The following MPPE1 variants were observed in gnomAD, a reference collection of about 807,000 sequenced individuals.
MPPE1 encodes metallo phosphoesterase.
In MPPE1, 28 loss-of-function variants were observed where a neutral mutation model predicts 43.8. The observed-to-expected ratio is 0.64, with a 90% CI of 0.47 to 0.88. The LOEUF (loss-of-function observed/expected upper bound fraction) is 0.88. Ranked by LOEUF, MPPE1 falls within the 40% of genes least tolerant of loss-of-function variation. The pLI is 0.00. For synonymous variants in MPPE1, 159 were observed against 188.5 expected (o/e 0.84, Z 1.28); for missense variants, 428 against 492.2 (o/e 0.87, Z 1.23).
At chr18:11,891,022 A>G (rs1197743277) in intron 4 of MPPE1, among the ~76,000 whole-genome samples, 1 of 147,070 alleles carries the variant, frequency 6.8e-6, no homozygotes, top group African/African-American at 2.6e-5. Flanking sequence ...TATCAATTGT[A>G]CAAACACCCT....
intron 2 of MPPE1, among the ~76,000 whole-genome samples, chr18:11,898,273 T>C (rs1221159201): frequency 6.6e-6 from 1 of 152,124 alleles, no homozygotes; most frequent in Non-Finnish European, 1.5e-5. Context: ...TTTTTCGCCA[T>C]GTTGGCCAGG....
intron 2 of MPPE1, among the ~76,000 whole-genome samples, chr18:11,900,881 T>C (rs554902335): frequency 6.9e-6 from 1 of 144,582 alleles, no homozygotes; most frequent in African/African-American, 2.7e-5. Flanking sequence ...CACTCCAGCC[T>C]GGGCGACAGA....
chr18:11,902,664 C>T (rs1381969558), intron 2 of MPPE1: 1 of 152,110 alleles, frequency 6.6e-6, no homozygotes, highest in Non-Finnish European at 1.5e-5. Flanking sequence ...AGATGAAATA[C>T]CAGAATGACA....
At position 11,886,994 on chromosome 18, in the gene MPPE1, C is replaced by G; in HGVS notation, c.601G>C (p.Gly201Arg). Residue 201 changes from glycine (G) to arginine (R), a missense_variant, in exon 7 of 11, where the codon GGG (glycine) becomes CGG (arginine). Transcript: ENST00000588072. The surrounding 1 kb of genome is among the most constrained non-coding windows in gnomAD (Gnocchi z 4.1). ...FVMVNSVALN[G>R]DGCGICSETE... ...TCAGAGCAGATGCCACAGCCATCCCCGTTCAGCGCCACGCTGTTGACCATC... is the reference window on the plus strand; with the variant it reads ...TCAGAGCAGATGCCACAGCCATCCCGGTTCAGCGCCACGCTGTTGACCATC... 1 of 1,613,832 alleles carries G rather than the reference C, an allele frequency of 6.2e-7. No individual in the cohort carries two copies. The highest frequency in any genetic ancestry group is 8.5e-7 in the Non-Finnish European group (1 of 1,179,798).
intron 3 of MPPE1, 105 bp downstream of exon 3, chr18:11,896,879 G>T: frequency 1.9e-6 from 2 of 1,047,084 alleles, no homozygotes; most frequent in Admixed American, 2.9e-5. Flanking sequence ...CCTTTGAGAG[G>T]AAAATAACTA....
In MPPE1 at chr18:11,887,039, A is replaced by C. The variant is rs765316131; in HGVS notation, c.570-14T>G. On this transcript the variant is annotated splice_polypyrimidine_tract_variant and intron_variant, in intron 6 of 10. Coordinates refer to ENST00000588072, the MANE Select transcript of MPPE1 (RefSeq NM_023075.6). ...ACCATCACAAAGCTGAAGCGGAGGG[A>C]AACGCAGGTGAGGCCGCTGGGGGTA... The C allele has an allele frequency of 6.2e-7, 1 of 1,600,094 alleles. No individual in the cohort carries two copies. Among genetic ancestry groups the C allele is most frequent in the Non-Finnish European group, 8.6e-7 (1 of 1,168,976 alleles).
chr18:11,895,151 T>C (rs2038456180), intron 3 of MPPE1: 1 of 152,136 alleles, frequency 6.6e-6, no homozygotes, highest in Non-Finnish European at 1.5e-5. Context: ...GATATATAAA[T>C]AGGGGAAAGT....
In MPPE1 at chr18:11,886,549, T is replaced by C. The variant is rs752268035; in HGVS notation, c.817A>G (p.Ile273Val). 130 of 1,614,086 alleles carry C rather than the reference T, an allele frequency of 8.1e-5. No homozygotes were observed. Among genetic ancestry groups the C allele is most frequent in the Non-Finnish European group, 1.1e-4 (127 of 1,180,046 alleles). Reference sequence around the variant, plus strand: ...ACGTCATAGTTCTCCTTAAATGGGATGTCCCTTTCCTCTGCAGGAGCAGCG... The same window carrying C: ...ACGTCATAGTTCTCCTTAAATGGGACGTCCCTTTCCTCTGCAGGAGCAGCG... ...EDAAPAEERD[I>V]PFKENYDVLS... The change falls in exon 9 of 11, where the codon ATC (isoleucine) becomes GTC (valine). Residue 273 changes from isoleucine to valine, a missense_variant. Coordinates refer to ENST00000588072, the MANE Select transcript of MPPE1 (RefSeq NM_023075.6). The surrounding 1 kb of genome is among the most constrained non-coding windows in gnomAD (Gnocchi z 4.1).
chr18:11,895,154 G>C (rs1039172557), intron 3 of MPPE1: 1 of 152,156 alleles, frequency 6.6e-6, no homozygotes, highest in Non-Finnish European at 1.5e-5. Flanking sequence ...ATATAAATAG[G>C]GGAAAGTAGG....
rs753121001 is a variant in MPPE1 at position 11,886,627 on chromosome 18, C to T, written c.745-6G>A. On this transcript the variant is annotated splice_polypyrimidine_tract_variant and splice_region_variant and intron_variant, in intron 8 of 10. Coordinates refer to ENST00000588072, the MANE Select transcript of MPPE1 (RefSeq NM_023075.6). The surrounding 1 kb of genome is among the most constrained non-coding windows in gnomAD (Gnocchi z 4.1). ...CTCCGATACAGAGGATAATGCTGTC[C>T]GGGGTGGAGAGAGGAGTTCAGGCGG... The T allele has an allele frequency of 5.8e-5, 93 of 1,613,992 alleles. No homozygotes were observed. The highest frequency in any genetic ancestry group is 7.0e-5 in the Non-Finnish European group (83 of 1,180,034).
intron 4 of MPPE1, 36 bp from the exon 5 acceptor site, chr18:11,889,526 A>G (rs2037726314): frequency 2.0e-6 from 3 of 1,497,982 alleles, no homozygotes; most frequent in Non-Finnish European, 2.8e-6. Flanking sequence ...GAGCCAGAGA[A>G]CCATCTCTGC....
chr18:11,906,677 G>T (rs1186988002), intron 1 of MPPE1, among the ~76,000 whole-genome samples: 4 of 152,012 alleles, frequency 2.6e-5, no homozygotes, highest in African/African-American at 9.7e-5. Flanking sequence ...CCAACATGGA[G>T]AAACCCCGTC....
At chr18:11,890,091 C>T (rs899613986) in intron 4 of MPPE1, among the ~76,000 whole-genome samples, 25 of 151,148 alleles carry the variant, frequency 1.7e-4, no homozygotes, top group East Asian at 5.9e-4. Flanking sequence ...TACAGGCGCC[C>T]GCCACCACGC....
chr18:11,893,951 T>A (rs1228061857), intron 3 of MPPE1, among the ~76,000 whole-genome samples: 1 of 152,216 alleles, frequency 6.6e-6, no homozygotes, highest in Non-Finnish European at 1.5e-5. Context: ...GAGATTATTG[T>A]ATCTAGCTTA....
chr18:11,887,585 A>C (rs2037481357), intron 6 of MPPE1, among the ~76,000 whole-genome samples: 1 of 152,234 alleles, frequency 6.6e-6, no homozygotes, highest in African/African-American at 2.4e-5. Flanking sequence ...ATAATCCCAA[A>C]CTAGGGTAAT....
intron 4 of MPPE1, among the ~76,000 whole-genome samples, chr18:11,890,020 G>A (rs2144290959): frequency 6.6e-6 from 1 of 150,670 alleles, no homozygotes; most frequent in South Asian, 2.1e-4. Context: ...TCGGCTCACT[G>A]CAAGCTCTGC....
intron 2 of MPPE1, among the ~76,000 whole-genome samples, chr18:11,900,646 A>G (rs660409): frequency 0.17 from 25,934 of 151,988 alleles, 2,896 homozygotes; most frequent in African/African-American, 0.31. Context: ...AGTGGCTCAC[A>G]CCTGTAATCC....
chr18:11,892,921 C>T (rs1185813182), intron 4 of MPPE1: 1 of 152,832 alleles, frequency 6.5e-6, no homozygotes, highest in African/African-American at 2.4e-5. Flanking sequence ...TTATATTACC[C>T]CAATACCCAG....
intron 10 of MPPE1, chr18:11,884,957 C>A: frequency 7.7e-7 from 1 of 1,290,594 alleles, no homozygotes; most frequent in African/African-American, 1.5e-5. Context: ...AGAGAGGCAC[C>A]GTGGAGTTCC....
Sources: gnomAD v4.1 joint callset for allele counts (sites outside exome capture counted in the v4.1 genomes callset) on GRCh38, gnomAD v4.1.1 for gene constraint, Gnocchi (gnomAD v3.1) non-coding constraint, MANE v1.5 for transcripts, NCBI Gene and HGNC (gene_info 2026-07-23, HGNC 2026-07-21) for gene names.